The following KALRN variants were observed in gnomAD, a reference collection of about 807,000 sequenced individuals.
KALRN encodes kalirin.
Under a neutral mutation model 353.7 loss-of-function variants are expected in KALRN, and 70 were observed. The ratio of observed to expected loss-of-function variants is 0.20; its 90% CI spans 0.16 to 0.24. The LOEUF is 0.24. Ranked by LOEUF, KALRN falls within the 10% of genes least tolerant of loss-of-function variation. KALRN has a pLI of 1.00. For synonymous variants in KALRN, 1,391 were observed against 1,434.8 expected, an observed-to-expected ratio of 0.97 and a Z score of 0.69; for missense variants, 2,791 against 3,756.7, an observed-to-expected ratio of 0.74 and a Z score of 6.72.
chr3:124,705,822 C>CCTTCCTTCCTTCCTT (rs1553740574), intron 57 of KALRN, among the ~76,000 whole-genome samples: 21 of 144,664 alleles, frequency 1.5e-4, no homozygotes, highest in African/African-American at 5.6e-4. Flanking sequence ...CTTCCTTCCT[C>CCTTCCTTCCTTCCTT]CCTTCCTTCC....
intron 1 of KALRN, among the ~76,000 whole-genome samples, chr3:124,089,922 T>G (rs2061019067): frequency 6.6e-6 from 1 of 152,172 alleles, no homozygotes. Context: ...TGACCTAGGC[T>G]TTATCTTTTG....
rs1682956349 is a variant in KALRN at position 124,152,150 on chromosome 3, A to G, written c.74-75840A>G. The G allele has an allele frequency of 2.2e-5, 31 of 1,381,546 alleles. No homozygotes were observed. The South Asian group carries it at 3.3e-4, about 15-fold the overall frequency. 85.6% of individuals were successfully genotyped at this position (1,381,546 alleles called of 1,614,324 possible). A position where few individuals can be genotyped will look rare whatever the true frequency, so the allele number is the denominator to read the frequency against. ...CTCATGAATCAGATCCTTCCTGCAG[A>G]TGATGCAAGAGATCGAACAATCAAA... On this transcript the variant is annotated intron_variant, in intron 1 of 59. Transcript: ENST00000682506.
At chr3:124,252,670 G>A (rs1253897286) in intron 3 of KALRN, among the ~76,000 whole-genome samples, 1 of 152,218 alleles carries the variant, frequency 6.6e-6, no homozygotes, top group Non-Finnish European at 1.5e-5. Flanking sequence ...GCCAGAGGGT[G>A]ACTTCCAGTA....
chr3:124,689,590 A>G (rs1257683092), intron 51 of KALRN, among the ~76,000 whole-genome samples: 1 of 152,148 alleles, frequency 6.6e-6, no homozygotes, highest in African/African-American at 2.4e-5. Flanking sequence ...GAAGGAAAAC[A>G]TTATATTTCA....
chr3:124,489,434 G>T (rs959745711), intron 29 of KALRN, among the ~76,000 whole-genome samples: 67 of 151,978 alleles, frequency 4.4e-4, no homozygotes, highest in African/African-American at 1.5e-3. Flanking sequence ...ATCCTACTCC[G>T]CCAATACCAC....
chr3:124,624,876 G>A (rs2079759505), intron 34 of KALRN, among the ~76,000 whole-genome samples: 1 of 152,178 alleles, frequency 6.6e-6, no homozygotes. Context: ...GAGATAGGGA[G>A]AATCTATTAC....
At chr3:124,208,220 G>C (rs2076588159) in intron 1 of KALRN, among the ~76,000 whole-genome samples, 2 of 152,168 alleles carry the variant, frequency 1.3e-5, no homozygotes, top group South Asian at 4.1e-4. Flanking sequence ...GAAGCACAAA[G>C]GTCCCTAAAA....
At chr3:124,383,990 A>G (rs2149927684) in intron 10 of KALRN, among the ~76,000 whole-genome samples, 1 of 152,338 alleles carries the variant, frequency 6.6e-6, no homozygotes, top group South Asian at 2.1e-4. Flanking sequence ...ACCAGCTCTA[A>G]GTCAGGACAT....
Position 124,674,510 on chromosome 3 carries a change from G to C in KALRN, c.7089G>C (p.Gln2363His). The C allele has an allele frequency of 6.2e-7, 1 of 1,613,960 alleles. No homozygotes were observed. Among genetic ancestry groups the C allele is most frequent in the Non-Finnish European group, 8.5e-7 (1 of 1,179,960 alleles). ...VNQQNMCLVYQPASDHSPAAE... is the reference protein window; with the variant it reads ...VNQQNMCLVYHPASDHSPAAE... ...AGCAGAACATGTGTCTGGTGTACCA[G>C]CCTGCCAGCGACCATTCCCCCGCCG... Residue 2363 changes from glutamine (Q) to histidine (H), a missense_variant, in exon 49 of 60, where the codon CAG becomes CAC. By Grantham distance (24) the Gln-to-His change is conservative (BLOSUM62 0). Around this residue, in one of 11 missense-constraint regions of KALRN, gnomAD observed 1,065 missense variants for 1,156.4 expected, o/e 0.92. Transcript: ENST00000682506.
intron 58 of KALRN, among the ~76,000 whole-genome samples, chr3:124,716,971 T>C: frequency 6.6e-6 from 1 of 152,214 alleles, no homozygotes; most frequent in Non-Finnish European, 1.5e-5. Flanking sequence ...AACTTTTTTC[T>C]TGTGAGCAAT....
At chr3:124,097,907 G>A (rs2061562363) in intron 1 of KALRN, among the ~76,000 whole-genome samples, 2 of 152,192 alleles carry the variant, frequency 1.3e-5, no homozygotes, top group Admixed American at 1.3e-4. Context: ...TCTGCTGATT[G>A]TATTCTGTGC....
At chr3:124,101,460 G>A (rs376612532) in intron 1 of KALRN, among the ~76,000 whole-genome samples, 1 of 152,134 alleles carries the variant, frequency 6.6e-6, no homozygotes, top group East Asian at 1.9e-4. Context: ...CATGGTGTTG[G>A]GCTCTACTTT....
intron 29 of KALRN, 190 bp downstream of exon 29, chr3:124,488,505 T>C: frequency 1.8e-6 from 1 of 570,078 alleles, no homozygotes. Flanking sequence ...AGCACCCTGC[T>C]TCTAGGAAGG....
chr3:124,664,384 T>C (rs1427857348), intron 45 of KALRN, among the ~76,000 whole-genome samples: 6 of 124,646 alleles, frequency 4.8e-5, no homozygotes, highest in Non-Finnish European at 8.5e-5. Flanking sequence ...CGCGCGCGCA[T>C]ATAAGGGCAC....
chr3:124,483,187 C>T (rs2062166109), intron 28 of KALRN, among the ~76,000 whole-genome samples: 1 of 152,206 alleles, frequency 6.6e-6, no homozygotes. Flanking sequence ...TGACTGGCTC[C>T]TAGAGGCTTT....
intron 1 of KALRN, among the ~76,000 whole-genome samples, chr3:124,180,042 C>A (rs1052486929): frequency 6.6e-6 from 1 of 152,194 alleles, no homozygotes; most frequent in African/African-American, 2.4e-5. Context: ...TAACCATAAT[C>A]ATTGACACAA....
rs536989506 is a variant in KALRN, at chr3:124,683,036, A to G, written c.7377+3519A>G. ...GTTCTAAAGATGACGAGTATCATCC[A>G]TAGTTCAGCTTACTTCTTTACCTTG... is the stretch of plus-strand genomic sequence containing the variant. On this transcript the variant is annotated intron_variant, in intron 51 of 59. Coordinates refer to ENST00000682506, the MANE Select transcript of KALRN (RefSeq NM_001388419.1). Among the ~76,000 whole-genome samples the G allele has an allele frequency of 3.3e-5, 5 of 152,116 alleles. No homozygotes were observed. The South Asian group carries it at 1.0e-3, about 32-fold the overall frequency.
chr3:124,368,097 C>G, intron 10 of KALRN, among the ~76,000 whole-genome samples: 1 of 57,848 alleles, frequency 1.7e-5, no homozygotes, highest in Non-Finnish European at 3.4e-5. Context: ...GGGGCTGACC[C>G]CCCCACCTCC....
intron 3 of KALRN, among the ~76,000 whole-genome samples, chr3:124,254,931 C>T (rs1424685928): frequency 6.8e-6 from 1 of 146,112 alleles, no homozygotes; most frequent in Non-Finnish European, 1.5e-5. Context: ...GCTGTTCCCT[C>T]TGTCTGAAGT....
Sources: gnomAD v4.1 joint callset for allele counts (sites outside exome capture counted in the v4.1 genomes callset) on GRCh38, gnomAD v4.1.1 for gene constraint, gnomAD v4.1.1 regional missense constraint, MANE v1.5 for transcripts, NCBI Gene and HGNC (gene_info 2026-07-23, HGNC 2026-07-21) for gene names.